PLCB1: variants seen among roughly 807,000 people sequenced by gnomAD.
PLCB1 encodes the protein phospholipase C beta 1.
Under a neutral mutation model 161.8 loss-of-function variants are expected in PLCB1, and 46 were observed. That is an observed-to-expected ratio of 0.28 (90% CI 0.22 to 0.36). The LOEUF is 0.36. Ranked by LOEUF, PLCB1 falls within the 10% of genes least tolerant of loss-of-function variation. The pLI is 1.00. For synonymous variants in PLCB1, 517 were observed against 503.7 expected (o/e 1.03, Z -0.35); for missense variants, 1,016 against 1,472.5 (o/e 0.69, Z 5.07).
intron 9 of PLCB1, among the ~76,000 whole-genome samples, chr20:8,673,501 C>A (rs1315808650): frequency 1.3e-5 from 2 of 152,180 alleles, no homozygotes; most frequent in African/African-American, 4.8e-5. Context: ...TAGGACTCAG[C>A]CCCCCAAATC....
intron 2 of PLCB1, among the ~76,000 whole-genome samples, chr20:8,291,800 T>C (rs1983394733): frequency 6.6e-6 from 1 of 152,204 alleles, no homozygotes; most frequent in Admixed American, 6.5e-5. Flanking sequence ...GTTGAAGCAC[T>C]GAGAAATTGT....
At chr20:8,697,479 G>T in intron 10 of PLCB1, 147 bp from the exon 11 acceptor site, 2 of 731,244 alleles carry the variant, frequency 2.7e-6, no homozygotes, top group Non-Finnish European at 4.7e-6. Flanking sequence ...TTACCTTCTG[G>T]TATGTTGAGG....
chr20:8,716,813 G>A (rs552276568), intron 13 of PLCB1, among the ~76,000 whole-genome samples: 2 of 152,248 alleles, frequency 1.3e-5, no homozygotes, highest in African/African-American at 2.4e-5. Flanking sequence ...CCATTGCATT[G>A]ATGATATCTC....
At chr20:8,300,164 C>T (rs192093506) in intron 2 of PLCB1, among the ~76,000 whole-genome samples, 1 of 152,250 alleles carries the variant, frequency 6.6e-6, no homozygotes, top group East Asian at 1.9e-4. Flanking sequence ...CTCATCCTCC[C>T]ATAGGCTAGC....
At chr20:8,828,916 T>C (rs1985847259) in intron 31 of PLCB1, among the ~76,000 whole-genome samples, 1 of 152,200 alleles carries the variant, frequency 6.6e-6, no homozygotes, top group Non-Finnish European at 1.5e-5. Context: ...CATGCTTCTG[T>C]TGCAGAGCCC....
Position 8,866,597 on chromosome 20 carries a change from TCTAGTTAGTAGAA to T in PLCB1, c.3424-15000_3424-14988del, listed in dbSNP as rs199762715. On this transcript the variant is annotated intron_variant, in intron 31 of 31. Coordinates refer to ENST00000338037, the MANE Select transcript of PLCB1 (RefSeq NM_015192.4). ...TTCTTTTGAAAAATCAAAAGAATAA[TCTAGTTAGTAGAA>T]CTAGTTAGTAGAACTAGTTAGTAGT... Among the ~76,000 whole-genome samples the T allele has an allele frequency of 6.0e-3, 918 of 152,318 alleles. 7 individuals carry two copies. The highest frequency in any genetic ancestry group is 9.6e-3 in the Non-Finnish European group (654 of 68,022).
At chr20:8,441,582 A>T (rs543418053) in intron 3 of PLCB1, among the ~76,000 whole-genome samples, 1 of 152,338 alleles carries the variant, frequency 6.6e-6, no homozygotes, top group South Asian at 2.1e-4. Flanking sequence ...TTATCTAAAT[A>T]CAGACGGTTT....
At chr20:8,260,683 A>G (rs1457079809) in intron 2 of PLCB1, among the ~76,000 whole-genome samples, 1 of 152,162 alleles carries the variant, frequency 6.6e-6, no homozygotes, top group Non-Finnish European at 1.5e-5. Context: ...GGAATAAACA[A>G]TGAGCTAGAG....
chr20:8,620,700 CT>C (rs1988155246), intron 3 of PLCB1, among the ~76,000 whole-genome samples: 1 of 146,912 alleles, frequency 6.8e-6, no homozygotes, highest in Admixed American at 6.9e-5. Flanking sequence ...GATTGCACCA[CT>C]GCACTCCAGC....
At chr20:8,684,287 C>T (rs192084785) in intron 9 of PLCB1, among the ~76,000 whole-genome samples, 6 of 151,486 alleles carry the variant, frequency 4.0e-5, no homozygotes, top group African/African-American at 9.7e-5. Context: ...GAAGGAGTCT[C>T]GCTCTGTCGC....
At position 8,222,785 on chromosome 20, in the gene PLCB1, A is replaced by G. The variant is rs147016196; in HGVS notation, c.177+72414A>G. Among the ~76,000 whole-genome samples, 13 of 152,228 alleles carry G rather than the reference A, an allele frequency of 8.5e-5. No individual in the cohort carries two copies. The East Asian group carries it at 2.3e-3, about 27-fold the overall frequency. On this transcript the variant is annotated intron_variant, in intron 2 of 31. Coordinates refer to ENST00000338037, the MANE Select transcript of PLCB1 (RefSeq NM_015192.4). ...TATTTGTCTTCAATATTGTAATCAG[A>G]TGCAAATAAACTGGCTTTCTCAACC...
intron 2 of PLCB1, among the ~76,000 whole-genome samples, chr20:8,244,986 G>A (rs1048688531): frequency 2.0e-5 from 3 of 151,448 alleles, no homozygotes; most frequent in Non-Finnish European, 4.4e-5. Flanking sequence ...ATTTTGGAGG[G>A]GGGGATGTAT....
chr20:8,819,650 C>T (rs1326476142), intron 31 of PLCB1, among the ~76,000 whole-genome samples: 1 of 152,094 alleles, frequency 6.6e-6, no homozygotes, highest in Non-Finnish European at 1.5e-5. Context: ...GGGATTTGTT[C>T]TAGGACCCAC....
At chr20:8,192,310 AT>A (rs930315515) in intron 2 of PLCB1, among the ~76,000 whole-genome samples, 2 of 151,844 alleles carry the variant, frequency 1.3e-5, no homozygotes, top group African/African-American at 4.8e-5. Flanking sequence ...AGTCTGATGG[AT>A]TTTCTTGCCC....
intron 3 of PLCB1, among the ~76,000 whole-genome samples, chr20:8,551,260 T>G (rs1985765781): frequency 6.6e-6 from 1 of 152,152 alleles, no homozygotes; most frequent in Admixed American, 6.5e-5. Context: ...AGAGATTTAG[T>G]GTGAGATCTT....
rs888620240 is a variant in PLCB1 at position 8,302,726 on chromosome 20, T to A, written c.178-68656T>A. Among the ~76,000 whole-genome samples the A allele has an allele frequency of 7.9e-5, 12 of 152,326 alleles. No homozygotes were observed. The East Asian group carries it at 2.3e-3, about 29-fold the overall frequency. Reference sequence around the variant, plus strand: ...TCTTCAGTTTTTTAATTTTTTTAATTTTATTTTTTAACATACCCCTTCATT... The same window carrying A: ...TCTTCAGTTTTTTAATTTTTTTAATATTATTTTTTAACATACCCCTTCATT... On this transcript the variant is annotated intron_variant, in intron 2 of 31. Transcript: ENST00000338037.
intron 31 of PLCB1, among the ~76,000 whole-genome samples, chr20:8,855,185 G>T (rs1223696244): frequency 6.6e-6 from 1 of 151,234 alleles, no homozygotes; most frequent in Non-Finnish European, 1.5e-5. Flanking sequence ...TTCAGAAATG[G>T]GGTAAGGGGT....
chr20:8,362,242 A>G (rs935157917), intron 2 of PLCB1, among the ~76,000 whole-genome samples: 13 of 152,320 alleles, frequency 8.5e-5, no homozygotes, highest in Admixed American at 5.9e-4. Context: ...TAGATTATCC[A>G]TGGTGATTAT....
chr20:8,283,702 T>C (rs1171863264), intron 2 of PLCB1, among the ~76,000 whole-genome samples: 1 of 152,058 alleles, frequency 6.6e-6, no homozygotes, highest in Non-Finnish European at 1.5e-5. Flanking sequence ...ACTCCCACAG[T>C]CATATTTGAG....
Sources: gnomAD v4.1 joint callset for allele counts (sites outside exome capture counted in the v4.1 genomes callset) on GRCh38, gnomAD v4.1.1 for gene constraint, MANE v1.5 for transcripts, NCBI Gene and HGNC (gene_info 2026-07-23, HGNC 2026-07-21) for gene names.